CHST9: variants seen among roughly 807,000 people sequenced by gnomAD.
CHST9 encodes the protein carbohydrate sulfotransferase 9.
In CHST9, 41 loss-of-function variants were observed where a neutral mutation model predicts 44.4. That is an observed-to-expected ratio of 0.92 (90% CI 0.72 to 1.20). The LOEUF (loss-of-function observed/expected upper bound fraction) is 1.20. Among genes scored for constraint, CHST9 ranks in the 50% most tolerant of loss-of-function variants. CHST9 has a pLI of 0.00. For missense variants in CHST9, 504 were observed against 516.5 expected (o/e 0.98, Z 0.23); for synonymous variants, 171 against 178.4 (o/e 0.96, Z 0.33).
intron 2 of CHST9, among the ~76,000 whole-genome samples, chr18:27,056,107 G>A (rs1451024568): frequency 6.6e-6 from 1 of 152,076 alleles, no homozygotes; most frequent in Admixed American, 6.6e-5. Flanking sequence ...TTATTTGTTT[G>A]AATGAAACAA....
Position 26,917,327 on chromosome 18 carries a change from C to T in CHST9, c.264G>A (p.Glu88=). ...GATTTTCCTTTTTTTCTCGTACATC[C>T]TCAGGCATGTGAAACTTGGGGTTCT... ...TNQNPKFHMP[E]DVREKKENLL... The change falls in exon 6 of 6, where the codon GAG becomes GAA. Residue 88 remains glutamate (E), a synonymous_variant. Coordinates refer to ENST00000618847, the MANE Select transcript of CHST9 (RefSeq NM_031422.6). 1 of 1,611,062 alleles carries T rather than the reference C, an allele frequency of 6.2e-7. No individual in the cohort carries two copies. The highest frequency in any genetic ancestry group is 2.2e-5 in the East Asian group (1 of 44,858).
At chr18:27,161,160 A>C (rs1370177935) in intron 1 of CHST9, among the ~76,000 whole-genome samples, 1 of 151,890 alleles carries the variant, frequency 6.6e-6, no homozygotes, top group Non-Finnish European at 1.5e-5. Flanking sequence ...TAGCTTTTGA[A>C]TGTGTTTGCT....
intron 5 of CHST9, among the ~76,000 whole-genome samples, chr18:26,930,379 G>T (rs1169316680): frequency 1.3e-5 from 2 of 152,320 alleles, no homozygotes; most frequent in Admixed American, 6.5e-5. Context: ...GGGAAGACAG[G>T]AGTCAAGTGG....
chr18:27,041,226 TTTTA>T (rs2057441159), intron 3 of CHST9, among the ~76,000 whole-genome samples: 1 of 152,154 alleles, frequency 6.6e-6, no homozygotes, highest in South Asian at 2.1e-4. Context: ...GAATATTCAT[TTTTA>T]TTTGAGTTAC....
intron 4 of CHST9, among the ~76,000 whole-genome samples, chr18:26,951,342 A>G (rs2056245055): frequency 6.6e-6 from 1 of 152,232 alleles, no homozygotes; most frequent in African/African-American, 2.4e-5. Context: ...ACTGATTAAA[A>G]TTCTAGGGAA....
rs9966642 is a variant in CHST9, at chr18:26,948,626, C to A, written c.203-4260G>T. ...AGCCTACTGAACTCTAGAAAATGGA[C>A]TAAAGGACAGCATGGTATCTAATAG... is the stretch of plus-strand genomic sequence containing the variant. On this transcript the variant is annotated intron_variant, in intron 4 of 5. Coordinates refer to ENST00000618847, the MANE Select transcript of CHST9 (RefSeq NM_031422.6). Among the ~76,000 whole-genome samples, 727 of 152,294 alleles carry A rather than the reference C, an allele frequency of 4.8e-3. 7 individuals are homozygous for A. The highest frequency in any genetic ancestry group is 0.017 in the African/African-American group (702 of 41,546).
intron 2 of CHST9, among the ~76,000 whole-genome samples, chr18:27,094,658 G>T (rs1270589864): frequency 6.6e-6 from 1 of 152,146 alleles, no homozygotes. Flanking sequence ...TGGTCAGAAG[G>T]AATTTATAAA....
intron 5 of CHST9, among the ~76,000 whole-genome samples, chr18:26,927,343 T>C (rs2055787803): frequency 6.6e-6 from 1 of 151,700 alleles, no homozygotes; most frequent in Admixed American, 6.6e-5. Context: ...TACGAGAGAC[T>C]GAGAAAAGAA....
intron 3 of CHST9, among the ~76,000 whole-genome samples, chr18:27,025,861 C>T (rs1467717464): frequency 6.6e-6 from 1 of 152,076 alleles, no homozygotes; most frequent in East Asian, 1.9e-4. Flanking sequence ...CAAAATCTTC[C>T]TCCACACAAA....
chr18:27,131,456 CAGG>C (rs746483503), intron 2 of CHST9, among the ~76,000 whole-genome samples: 39 of 152,178 alleles, frequency 2.6e-4, no homozygotes, highest in Non-Finnish European at 5.4e-4. Context: ...GTGGCTGAGG[CAGG>C]AGAATTGCTT....
At chr18:26,949,803 T>C (rs1663412893) in intron 4 of CHST9, among the ~76,000 whole-genome samples, 1 of 152,078 alleles carries the variant, frequency 6.6e-6, no homozygotes, top group Admixed American at 6.6e-5. Flanking sequence ...TAAGAGTCCT[T>C]ATAATAAAGG....
At chr18:27,128,405 G>C (rs1316796596) in intron 2 of CHST9, among the ~76,000 whole-genome samples, 7 of 152,140 alleles carry the variant, frequency 4.6e-5, no homozygotes, top group Admixed American at 1.3e-4. Context: ...GAGTAACAGG[G>C]ACTACAGGCA....
intron 2 of CHST9, among the ~76,000 whole-genome samples, chr18:27,086,222 AC>A (rs1199313949): frequency 1.3e-5 from 2 of 152,172 alleles, no homozygotes; most frequent in Non-Finnish European, 2.9e-5. Flanking sequence ...CATGACACAC[AC>A]CCATGTAACA....
At chr18:27,053,162 A>G (rs1249673468) in intron 2 of CHST9, among the ~76,000 whole-genome samples, 2 of 146,966 alleles carry the variant, frequency 1.4e-5, no homozygotes, top group African/African-American at 5.1e-5. Flanking sequence ...GAAGAAGAAG[A>G]AGAAGAAGAA....
At chr18:27,152,341 C>CT (rs11383019) in intron 1 of CHST9, among the ~76,000 whole-genome samples, 59,806 of 148,856 alleles carry the variant, frequency 0.4, 12,238 homozygotes, top group East Asian at 0.62. Context: ...AGTGTAGAGT[C>CT]TTTTTTTTTT....
chr18:26,919,221 A>T (rs1325874922), intron 5 of CHST9, among the ~76,000 whole-genome samples: 2 of 152,054 alleles, frequency 1.3e-5, no homozygotes, highest in Non-Finnish European at 2.9e-5. Context: ...ACACAGCCAA[A>T]CCATATCACC....
At chr18:27,024,722 A>C (rs1260196588) in intron 3 of CHST9, among the ~76,000 whole-genome samples, 1 of 152,230 alleles carries the variant, frequency 6.6e-6, no homozygotes, top group Non-Finnish European at 1.5e-5. Context: ...AGGATAAAAA[A>C]GAGGGCTCTG....
chr18:27,007,569 G>A (rs1250387420), intron 4 of CHST9, among the ~76,000 whole-genome samples: 2 of 151,918 alleles, frequency 1.3e-5, no homozygotes, highest in Non-Finnish European at 2.9e-5. Context: ...AAAGCAAAAG[G>A]CCAAGCCAAG....
At chr18:26,921,593 A>C (rs1310371227) in intron 5 of CHST9, among the ~76,000 whole-genome samples, 1 of 151,948 alleles carries the variant, frequency 6.6e-6, no homozygotes, top group African/African-American at 2.4e-5. Context: ...CACAGCAAAG[A>C]CTCCATGACT....
Sources: allele counts gnomAD v4.1 joint callset (sites outside exome capture counted in the v4.1 genomes callset), GRCh38; gene constraint gnomAD v4.1.1; transcripts MANE v1.5; gene names NCBI Gene and HGNC (gene_info 2026-07-23, HGNC 2026-07-21).